Variants in ZNF800 observed in about 807,000 individuals in gnomAD.
ZNF800 encodes zinc finger protein 800.
In ZNF800, 13 loss-of-function variants were observed where a neutral mutation model predicts 59.5. That is an observed-to-expected ratio of 0.22 (90% CI 0.14 to 0.35). ZNF800 has a LOEUF of 0.35. Among genes scored for constraint, ZNF800 ranks in the 10% least tolerant of loss-of-function variants. The pLI is 1.00. For missense variants in ZNF800, 621 were observed against 783.7 expected (o/e 0.79, Z 2.48); for synonymous variants, 266 against 265.7 (o/e 1.00, Z -0.01).
chr7:127,361,198 A>T (rs1800385952), intron 1 of ZNF800: 1 of 152,158 alleles, frequency 6.6e-6, no homozygotes, highest in Non-Finnish European at 1.5e-5. Context: ...CTAAGAGATG[A>T]GTCCTGAAAG....
downstream of ZNF800, among the ~76,000 whole-genome samples, chr7:127,366,083 G>C (rs1800501171): frequency 6.6e-6 from 1 of 151,988 alleles, no homozygotes; most frequent in South Asian, 2.1e-4. Context: ...AGAAAGATTT[G>C]GTAACTTGCC....
chr7:127,354,479 TA>T (rs151150261), intron 1 of ZNF800, among the ~76,000 whole-genome samples: 6 of 151,570 alleles, frequency 4.0e-5, no homozygotes, highest in African/African-American at 9.7e-5. Flanking sequence ...CATTGTTAAG[TA>T]AAAAAAAGCA....
chr7:127,372,040 A>T (rs1378669579), intron 5 of ZNF800, among the ~76,000 whole-genome samples: 2 of 152,246 alleles, frequency 1.3e-5, no homozygotes, highest in Non-Finnish European at 2.9e-5. Context: ...CTCATTAAAT[A>T]CATTAAATGC....
intron 1 of ZNF800, among the ~76,000 whole-genome samples, chr7:127,358,497 A>G (rs572919338): frequency 6.6e-6 from 1 of 152,130 alleles, no homozygotes; most frequent in Non-Finnish European, 1.5e-5. Context: ...CCCTGTTTAT[A>G]ATCTTTCAAC....
chr7:127,352,441 T>C (rs1351268945), intron 1 of ZNF800, among the ~76,000 whole-genome samples: 3 of 152,224 alleles, frequency 2.0e-5, no homozygotes, highest in Non-Finnish European at 4.4e-5. Context: ...CAGCCTGGTC[T>C]AGTAGAAAGG....
intron 1 of ZNF800, among the ~76,000 whole-genome samples, chr7:127,351,995 G>T (rs1374067355): frequency 6.6e-6 from 1 of 152,130 alleles, no homozygotes; most frequent in African/African-American, 2.4e-5. Flanking sequence ...TTCAGAGCAA[G>T]AAACTGAAAT....
intron 1 of ZNF800, among the ~76,000 whole-genome samples, chr7:127,353,840 G>C (rs1005331963): frequency 1.7e-4 from 6 of 34,940 alleles, no homozygotes; most frequent in Non-Finnish European, 3.0e-4. Context: ...TGATAGATAA[G>C]CTGGCCAAAA....
At chr7:127,391,381 TATC>T in intron 2 of ZNF800, 113 bp downstream of exon 2, 2 of 997,894 alleles carry the variant, frequency 2.0e-6, no homozygotes, top group Admixed American at 1.8e-5. Context: ...TGCTAGGGAA[TATC>T]ATAGCCTGCT....
chr7:127,364,380 G>C (rs1294046213), intron 1 of ZNF800: 1 of 152,136 alleles, frequency 6.6e-6, no homozygotes, highest in Non-Finnish European at 1.5e-5. Context: ...CGATGCACTA[G>C]GAACTAGCTT....
intron 3 of ZNF800, among the ~76,000 whole-genome samples, chr7:127,380,974 T>C (rs1183635890): frequency 1.3e-5 from 2 of 152,234 alleles, no homozygotes; most frequent in Non-Finnish European, 2.9e-5. Context: ...GTTTATCTTG[T>C]GTTATTCTTT....
At chr7:127,375,929 A>G (rs1407775030) in intron 4 of ZNF800, among the ~76,000 whole-genome samples, 1 of 151,992 alleles carries the variant, frequency 6.6e-6, no homozygotes, top group Non-Finnish European at 1.5e-5. Context: ...ACTTTCACAA[A>G]AGTATTTCTA....
chr7:127,346,734 A>T (rs1800071583), downstream of ZNF800: 1 of 152,364 alleles, frequency 6.6e-6, no homozygotes, highest in South Asian at 2.1e-4. Flanking sequence ...AATGTGCAAG[A>T]GTTTTATTAA....
chr7:127,358,676 T>C (rs1321239456), intron 1 of ZNF800, among the ~76,000 whole-genome samples: 1 of 152,106 alleles, frequency 6.6e-6, no homozygotes, highest in East Asian at 1.9e-4. Flanking sequence ...AACTCAAGAA[T>C]AAATTTAGGA....
At chr7:127,378,146 C>T (rs186689959) in intron 3 of ZNF800, among the ~76,000 whole-genome samples, 1 of 152,092 alleles carries the variant, frequency 6.6e-6, no homozygotes, top group Admixed American at 6.6e-5. Flanking sequence ...ACAAGTGTAA[C>T]GTATTCAGCT....
In ZNF800 at chr7:127,373,220, A is replaced by G. The variant is rs1800679453; in HGVS notation, c.1994+122T>C. ...TATGCACATTACTCTTGCAGTTCCC[A>G]TTGCCATGAGATATATGGAAGCAAA... is the stretch of plus-strand genomic sequence containing the variant. On this transcript the variant is annotated intron_variant, in intron 5 of 5. Coordinates refer to ENST00000265827, the MANE Select transcript of ZNF800 (RefSeq NM_176814.5). 2.0e-6 allele frequency: 3 copies of G among 1,480,534 alleles called. No individual in the cohort carries two copies. In the Admixed American group the frequency reaches 7.4e-5, roughly 36 times the overall value. The allele number at this position is 1,480,534 out of a possible 1,614,324, so 91.7% of individuals were successfully genotyped here.
chr7:127,370,975 C>T lies in ZNF800; in HGVS notation c.*839G>A, dbSNP rs955474136. ...TAAGAAGTGGTTGTGCATGGATTGT[C>T]TGCATCCATAAAATATCAGTAAGCT... On this transcript the variant is annotated 3_prime_UTR_variant, in exon 6 of 6. Transcript: ENST00000265827. 3 of 152,478 alleles carry T rather than the reference C, an allele frequency of 2.0e-5. No homozygotes were observed. Among genetic ancestry groups the T allele is most frequent in the Admixed American group, 2.0e-4 (3 of 15,276 alleles). The allele number at this position is 152,478 out of a possible 1,614,324, so 9.4% of individuals were successfully genotyped here.
At chr7:127,391,889 G>C (rs2117232169) in intron 1 of ZNF800, among the ~76,000 whole-genome samples, 171 bp downstream of exon 1, 1 of 151,732 alleles carries the variant, frequency 6.6e-6, no homozygotes, top group South Asian at 2.1e-4. Context: ...GCCGTCCCGG[G>C]CGGGCGCGCG....
downstream of ZNF800, among the ~76,000 whole-genome samples, chr7:127,368,064 A>G (rs1800550317): frequency 6.6e-6 from 1 of 152,102 alleles, no homozygotes; most frequent in Non-Finnish European, 1.5e-5. Flanking sequence ...TGCATTTTCC[A>G]TACTCTTACC....
At position 127,374,858 on chromosome 7, in the gene ZNF800, T is replaced by C. The variant is rs1366680833; in HGVS notation, c.478A>G (p.Ser160Gly). 1.2e-6 allele frequency: 2 copies of C among 1,613,940 alleles called. No homozygotes were observed. The highest frequency in any genetic ancestry group is 2.2e-5 in the East Asian group (1 of 44,880). ...ACTTCGGTTTGTTCAGGAGTACTGC[T>C]TGACTCTGTGACTTCAATAGGATTA... ...TDNPIEVTES[S>G]STPEQTEVQI... Residue 160 changes from serine (S) to glycine (G), a missense_variant, in exon 5 of 6, where the codon AGC (serine) becomes GGC (glycine). By Grantham distance (56) the Ser-to-Gly change is moderately conservative. This residue lies in a region of ZNF800 where 218 missense variants were observed against 230.8 expected (regional missense o/e 0.94). Coordinates refer to ENST00000265827, the MANE Select transcript of ZNF800 (RefSeq NM_176814.5).
Sources: gnomAD v4.1 joint callset for allele counts (sites outside exome capture counted in the v4.1 genomes callset) on GRCh38, gnomAD v4.1.1 for gene constraint, gnomAD v4.1.1 regional missense constraint, MANE v1.5 for transcripts, NCBI Gene and HGNC (gene_info 2026-07-23, HGNC 2026-07-21) for gene names.